The following SLC24A3 variants were observed in gnomAD, a reference collection of about 807,000 sequenced individuals.
SLC24A3 encodes the protein solute carrier family 24 member 3.
Under a neutral mutation model 75.8 loss-of-function variants are expected in SLC24A3, and 28 were observed. That is an observed-to-expected ratio of 0.37 (90% confidence interval 0.27 to 0.51). The LOEUF is 0.51. Among genes scored for constraint, SLC24A3 ranks in the 20% least tolerant of loss-of-function variants. SLC24A3 has a pLI of 0.94. For missense variants in SLC24A3, 663 were observed against 847.8 expected (o/e 0.78, Z 2.71); for synonymous variants, 372 against 334.1 (o/e 1.11, Z -1.24).
Position 19,696,015 on chromosome 20 carries a change from C to CTTTTTTTTTTTTTTTTT in SLC24A3, c.1492-780_1492-764dup, listed in dbSNP as rs778046824. On this transcript the variant is annotated intron_variant, in intron 13 of 16. Coordinates refer to ENST00000328041, the MANE Select transcript of SLC24A3 (RefSeq NM_020689.4). ...ATGGCTTTCCCCTTTTTTTCCTTTT[C>CTTTTTTTTTTTTTTTTT]TTTTTTTTTTTTTTTTTTGTGAGAC... is the stretch of plus-strand genomic sequence containing the variant. Among the ~76,000 whole-genome samples, 10 of 108,072 alleles carry CTTTTTTTTTTTTTTTTT rather than the reference C, an allele frequency of 9.3e-5. 1 individual carries two copies. The highest frequency in any genetic ancestry group is 1.4e-4 in the Non-Finnish European group (8 of 56,664). The allele number at this position is 108,072 out of a possible 152,430, so 70.9% of individuals were successfully genotyped here. A position where few individuals can be genotyped will look rare whatever the true frequency, so the allele number is the denominator to read the frequency against.
At chr20:19,473,679 G>A (rs1987912442) in intron 2 of SLC24A3, among the ~76,000 whole-genome samples, 1 of 152,232 alleles carries the variant, frequency 6.6e-6, no homozygotes, top group Admixed American at 6.5e-5. Context: ...ACCTCCTTGT[G>A]TGGTCTGTGT....
intron 1 of SLC24A3, among the ~76,000 whole-genome samples, chr20:19,240,300 C>T (rs3790168): frequency 6.6e-6 from 1 of 152,178 alleles, no homozygotes; most frequent in Admixed American, 6.5e-5. Flanking sequence ...TGGTGTACAT[C>T]TGAGGTTCCT....
intron 2 of SLC24A3, among the ~76,000 whole-genome samples, chr20:19,376,703 G>A (rs1390291925): frequency 6.6e-6 from 1 of 151,776 alleles, no homozygotes; most frequent in Non-Finnish European, 1.5e-5. Context: ...ACACTGCTGT[G>A]AGCTGACTCC....
intron 3 of SLC24A3, among the ~76,000 whole-genome samples, chr20:19,523,636 C>A (rs2030143996): frequency 6.6e-6 from 1 of 152,216 alleles, no homozygotes; most frequent in African/African-American, 2.4e-5. Flanking sequence ...AGAGCATGCC[C>A]TTGCAGTGAA....
chr20:19,529,334 C>T (rs920094286), intron 3 of SLC24A3, among the ~76,000 whole-genome samples: 3 of 152,160 alleles, frequency 2.0e-5, no homozygotes, highest in Admixed American at 1.3e-4. Context: ...TCCTTGCAAA[C>T]CTGTTCGTCT....
intron 6 of SLC24A3, among the ~76,000 whole-genome samples, chr20:19,651,417 AT>A (rs2032201634): frequency 3.4e-5 from 5 of 145,644 alleles, no homozygotes; most frequent in African/African-American, 1.3e-4. Context: ...ATATATATAT[AT>A]CTGCTTTCCT....
chr20:19,491,597 C>T (rs1988209930), intron 2 of SLC24A3, among the ~76,000 whole-genome samples: 1 of 152,140 alleles, frequency 6.6e-6, no homozygotes, highest in Non-Finnish European at 1.5e-5. Flanking sequence ...ATTCTGGCAC[C>T]CCCCATACCT....
intron 2 of SLC24A3, among the ~76,000 whole-genome samples, chr20:19,496,533 C>T (rs1484756791): frequency 6.6e-6 from 1 of 152,146 alleles, no homozygotes; most frequent in Non-Finnish European, 1.5e-5. Flanking sequence ...TTGGAATGAT[C>T]AAGAGAATGT....
chr20:19,503,929 A>AT (rs1988424972), intron 2 of SLC24A3, among the ~76,000 whole-genome samples: 1 of 152,244 alleles, frequency 6.6e-6, no homozygotes. Flanking sequence ...GATATCAGGA[A>AT]TCACTATTAC....
chr20:19,472,453 T>A (rs1160431205), intron 2 of SLC24A3, among the ~76,000 whole-genome samples: 1 of 152,220 alleles, frequency 6.6e-6, no homozygotes, highest in Non-Finnish European at 1.5e-5. Context: ...CTGCCACAGA[T>A]TTTTGATAAT....
intron 8 of SLC24A3, 86 bp from the exon 9 acceptor site, chr20:19,673,515 T>G: frequency 8.5e-7 from 1 of 1,176,276 alleles, no homozygotes; most frequent in Non-Finnish European, 1.3e-6. Flanking sequence ...TCCTGGCCGT[T>G]TGCATCAAAT....
chr20:19,366,318 C>CT (rs1985891050), intron 2 of SLC24A3, among the ~76,000 whole-genome samples: 2 of 152,190 alleles, frequency 1.3e-5, no homozygotes, highest in Non-Finnish European at 2.9e-5. Flanking sequence ...AAAGTTATCC[C>CT]AGCCTTCTAG....
intron 2 of SLC24A3, among the ~76,000 whole-genome samples, chr20:19,449,940 T>C (rs1987453078): frequency 6.6e-6 from 1 of 152,240 alleles, no homozygotes; most frequent in African/African-American, 2.4e-5. Flanking sequence ...AACTTTGCAC[T>C]CATTTATGCA....
intron 2 of SLC24A3, among the ~76,000 whole-genome samples, chr20:19,413,536 GT>G (rs1986780127): frequency 6.6e-6 from 1 of 152,150 alleles, no homozygotes; most frequent in East Asian, 1.9e-4. Context: ...CACGCTGAAT[GT>G]TCTAGCTGCA....
At chr20:19,255,912 T>C (rs1438533309) in intron 1 of SLC24A3, among the ~76,000 whole-genome samples, 3 of 152,090 alleles carry the variant, frequency 2.0e-5, no homozygotes, top group African/African-American at 7.2e-5. Context: ...CTGGGCAACA[T>C]AGTGAGACCC....
intron 9 of SLC24A3, among the ~76,000 whole-genome samples, chr20:19,676,820 TC>T (rs1261621385): frequency 6.6e-6 from 1 of 152,176 alleles, no homozygotes; most frequent in East Asian, 1.9e-4. Flanking sequence ...TAGGATTTGT[TC>T]CCCAGATGGG....
intron 2 of SLC24A3, among the ~76,000 whole-genome samples, chr20:19,303,232 C>T (rs1568583859): frequency 6.6e-6 from 1 of 152,172 alleles, no homozygotes; most frequent in Non-Finnish European, 1.5e-5. Context: ...CATTGTGTAA[C>T]TCTCACTCAT....
chr20:19,277,719 A>T (rs1236014760), intron 1 of SLC24A3, among the ~76,000 whole-genome samples: 1 of 152,216 alleles, frequency 6.6e-6, no homozygotes. Context: ...ATATTGAATC[A>T]TTATGTTTAA....
Position 19,680,886 on chromosome 20 carries a change from C to T in SLC24A3, c.768-972C>T, listed in dbSNP as rs948283240. On this transcript the variant is annotated intron_variant, in intron 9 of 16. Transcript: ENST00000328041. ...AGAGAAACATAGGTTGAGTGGCCTTCCAGCTGGCAACTTACGGTCACCATG... is the reference window on the plus strand; with the variant it reads ...AGAGAAACATAGGTTGAGTGGCCTTTCAGCTGGCAACTTACGGTCACCATG... Among the ~76,000 whole-genome samples, 9 of 152,192 alleles carry T rather than the reference C, an allele frequency of 5.9e-5. No homozygotes were observed. The South Asian group carries it at 1.7e-3, about 28-fold the overall frequency.
Sources: allele counts gnomAD v4.1 joint callset (sites outside exome capture counted in the v4.1 genomes callset), GRCh38; gene constraint gnomAD v4.1.1; transcripts MANE v1.5; gene names NCBI Gene and HGNC (gene_info 2026-07-23, HGNC 2026-07-21).